Variants in TNS3 observed in about 807,000 individuals in gnomAD.
TNS3 encodes tensin-3.
A neutral mutation model predicts 140.9 loss-of-function variants in TNS3; 45 were observed. That is an observed-to-expected ratio of 0.32 (90% confidence interval 0.25 to 0.41). TNS3 has a LOEUF of 0.41. Among genes scored for constraint, TNS3 ranks in the 10% least tolerant of loss-of-function variants. The pLI is 1.00. For synonymous variants in TNS3, 815 were observed against 788.4 expected (o/e 1.03, Z -0.56); for missense variants, 1,716 against 1,906.7 (o/e 0.90, Z 1.86).
intron 1 of TNS3, among the ~76,000 whole-genome samples, chr7:47,566,218 A>G (rs1358336387): frequency 5.9e-5 from 9 of 152,214 alleles, no homozygotes; most frequent in Admixed American, 5.9e-4. Context: ...GCACTCGTCC[A>G]AAAACATGGA....
chr7:47,560,475 A>G (rs914229508), intron 1 of TNS3, among the ~76,000 whole-genome samples: 1 of 152,168 alleles, frequency 6.6e-6, no homozygotes, highest in African/African-American at 2.4e-5. Context: ...TGGTGTTTTC[A>G]TGTCTTCCAT....
chr7:47,564,047 T>C (rs1486941130), intron 1 of TNS3, among the ~76,000 whole-genome samples: 3 of 150,684 alleles, frequency 2.0e-5, no homozygotes, highest in Admixed American at 1.3e-4. Flanking sequence ...CAAAAAAAAT[T>C]AGCTGGCATG....
chr7:47,571,169 G>C (rs1026254213), intron 1 of TNS3, among the ~76,000 whole-genome samples: 10 of 152,198 alleles, frequency 6.6e-5, no homozygotes, highest in Non-Finnish European at 1.5e-4. Flanking sequence ...AACCACAGAT[G>C]AAAGAAAAGG....
chr7:47,519,786 C>A (rs1798902738), intron 2 of TNS3, among the ~76,000 whole-genome samples: 1 of 150,346 alleles, frequency 6.7e-6, no homozygotes, highest in Non-Finnish European at 1.5e-5. Flanking sequence ...GGCTTCGACT[C>A]CATCCTCTGG....
In TNS3 at chr7:47,543,337, TGCTG is replaced by T. The variant is rs1799840729; in HGVS notation, c.-264-14194_-264-14191del. Among the ~76,000 whole-genome samples the T allele has an allele frequency of 5.3e-5, 8 of 152,344 alleles. No individual in the cohort carries two copies. In the South Asian group the frequency reaches 1.7e-3, roughly 32 times the overall value. ...TCTTCACACCTGTTCCCCAGGGCCA[TGCTG>T]GAGGGGGAAGACCAGCAGAGGACTT... On this transcript the variant is annotated intron_variant, in intron 1 of 30. Coordinates refer to ENST00000311160, the MANE Select transcript of TNS3 (RefSeq NM_022748.12).
intron 10 of TNS3, 133 bp from the exon 11 acceptor site, chr7:47,415,339 G>C: frequency 1.6e-6 from 1 of 623,556 alleles, no homozygotes; most frequent in Non-Finnish European, 2.8e-6. Flanking sequence ...TCACAGCCAG[G>C]GGTTCTCAGC....
intron 4 of TNS3, among the ~76,000 whole-genome samples, chr7:47,468,808 G>C (rs1302900738): frequency 6.6e-6 from 1 of 152,106 alleles, no homozygotes; most frequent in Admixed American, 6.6e-5. Flanking sequence ...AAAGAACAAA[G>C]CCAAAGGCAT....
At chr7:47,489,748 G>A (rs1175622905) in intron 3 of TNS3, among the ~76,000 whole-genome samples, 2 of 152,188 alleles carry the variant, frequency 1.3e-5, no homozygotes, top group Non-Finnish European at 2.9e-5. Context: ...TCTCGAAGTG[G>A]CTGAAAAGCA....
intron 4 of TNS3, among the ~76,000 whole-genome samples, chr7:47,453,820 A>C (rs1204588839): frequency 6.6e-6 from 1 of 151,986 alleles, no homozygotes; most frequent in African/African-American, 2.4e-5. Context: ...TTATTTCCTC[A>C]CTTAGCACTC....
chr7:47,551,261 C>A (rs1016025407), intron 1 of TNS3, among the ~76,000 whole-genome samples: 2 of 152,224 alleles, frequency 1.3e-5, no homozygotes, highest in Admixed American at 1.3e-4. Context: ...CACTTCCTGC[C>A]GCTGGACTCG....
chr7:47,352,552 C>G (rs1275027644), intron 17 of TNS3, among the ~76,000 whole-genome samples: 4 of 152,240 alleles, frequency 2.6e-5, no homozygotes, highest in African/African-American at 9.6e-5. Context: ...GTCAAACAAG[C>G]CCTTCTCCCC....
Position 47,481,100 on chromosome 7 carries a change from T to C in TNS3, c.-76+3A>G. ...GGGAGCCAAAGAAATGCAAAGGGCT[T>C]ACCTGTTCCAGTCGGACTTGCACAC... On this transcript the variant is annotated splice_donor_region_variant and intron_variant, in intron 4 of 30. Coordinates refer to ENST00000311160, the MANE Select transcript of TNS3 (RefSeq NM_022748.12). The C allele has an allele frequency of 7.8e-7, 1 of 1,289,800 alleles. No individual in the cohort carries two copies. Among genetic ancestry groups the C allele is most frequent in the South Asian group, 1.2e-5 (1 of 81,020 alleles). 79.9% of individuals were successfully genotyped at this position (1,289,800 alleles called of 1,614,324 possible).
intron 17 of TNS3, among the ~76,000 whole-genome samples, chr7:47,357,596 G>C (rs1459671839): frequency 6.6e-6 from 1 of 152,168 alleles, no homozygotes; most frequent in Non-Finnish European, 1.5e-5. Flanking sequence ...ACAGCGTAAT[G>C]TGTTAGGAAA....
At chr7:47,330,381 T>C (rs1314793544) in intron 20 of TNS3, among the ~76,000 whole-genome samples, 1 of 152,188 alleles carries the variant, frequency 6.6e-6, no homozygotes, top group Admixed American at 6.5e-5. Context: ...TCCCTGGAGC[T>C]GAGAGACTGT....
intron 13 of TNS3, among the ~76,000 whole-genome samples, chr7:47,406,662 T>C (rs564801613): frequency 3.9e-5 from 6 of 152,338 alleles, no homozygotes; most frequent in African/African-American, 1.2e-4. Flanking sequence ...CACCAAGCCA[T>C]CTGCAGTCTT....
At chr7:47,414,944 G>A (rs1224108372) in intron 11 of TNS3, 150 bp downstream of exon 11, 12 of 629,242 alleles carry the variant, frequency 1.9e-5, no homozygotes, top group Non-Finnish European at 3.3e-5. Flanking sequence ...GACCACTGAA[G>A]GGGGACCCAG....
At chr7:47,440,879 T>C (rs946183535) in intron 5 of TNS3, among the ~76,000 whole-genome samples, 3 of 152,204 alleles carry the variant, frequency 2.0e-5, no homozygotes, top group African/African-American at 7.2e-5. Context: ...CTTTTAATTT[T>C]GGAAAAATTC....
At chr7:47,391,139 C>T (rs1235497582) in intron 16 of TNS3, among the ~76,000 whole-genome samples, 2 of 152,194 alleles carry the variant, frequency 1.3e-5, no homozygotes. Flanking sequence ...CGCCTATGCC[C>T]CATGCCCAGG....
rs754792735 is a variant in TNS3 at position 47,302,205 on chromosome 7, C to T, written c.3525G>A (p.Ala1175=). ...ACATACCTTGTTCTCTTGAAATATC[C>T]GCCTTGTACCAGAACTTGGAAGTGT... The part of the protein sequence containing the change: ...VQDTSKFWYK[A]DISREQAIAM... Residue 1175 remains alanine, a synonymous_variant, in exon 23 of 31, where the codon GCG becomes GCA. Transcript: ENST00000311160. The T allele has an allele frequency of 1.2e-5, 20 of 1,614,084 alleles. 1 individual carries two copies. Among genetic ancestry groups the T allele is most frequent in the Middle Eastern group, 1.6e-4 (1 of 6,084 alleles).
Sources: allele counts gnomAD v4.1 joint callset (sites outside exome capture counted in the v4.1 genomes callset), GRCh38; gene constraint gnomAD v4.1.1; transcripts MANE v1.5; gene names NCBI Gene and HGNC (gene_info 2026-07-23, HGNC 2026-07-21).